The following CPEB2 variants were observed in gnomAD, a reference collection of about 807,000 sequenced individuals.
The protein encoded by CPEB2 is cytoplasmic polyadenylation element-binding protein 2.
CPEB2 carries 56 observed loss-of-function variants against 93.6 expected under a neutral mutation model. That is an observed-to-expected ratio of 0.60 (90% CI 0.48 to 0.75). The LOEUF (loss-of-function observed/expected upper bound fraction) is 0.75, where lower values mean the gene tolerates loss of function less well. Among genes scored for constraint, CPEB2 ranks in the 30% least tolerant of loss-of-function variants. The probability of loss-of-function intolerance (pLI) is 0.00; values close to 1 mark genes in which losing one functional copy is unlikely to be tolerated. For missense variants in CPEB2, 1,579 were observed against 1,395.1 expected (o/e 1.13, Z -2.10); for synonymous variants, 764 against 586.3 (o/e 1.30, Z -4.38).
intron 11 of CPEB2, among the ~76,000 whole-genome samples, chr4:15,064,868 G>A (rs1335047123): frequency 6.6e-6 from 1 of 152,036 alleles, no homozygotes; most frequent in Non-Finnish European, 1.5e-5. Flanking sequence ...TTAAAAATTT[G>A]TGTTAAAGAT....
chr4:15,004,570 C>A (rs1722522397), intron 1 of CPEB2, among the ~76,000 whole-genome samples: 1 of 152,128 alleles, frequency 6.6e-6, no homozygotes, highest in Non-Finnish European at 1.5e-5. Flanking sequence ...GCGTGGGAGA[C>A]GAGTTCGCGC....
rs1186674930 is a variant in CPEB2 at position 15,007,588 on chromosome 4, T to C, written c.1944+2T>C. ...AGTAATACACTCTTACCCTTACAGG[T>C]AAGAATGGTATGTAAATGACCTTAT... On this transcript the variant is annotated splice_donor_variant, in intron 2 of 11. Coordinates refer to ENST00000538197, the MANE Select transcript of CPEB2 (RefSeq NM_001177382.2). LOFTEE classifies it high-confidence loss of function. The C allele has an allele frequency of 5.2e-6, 8 of 1,543,220 alleles. No homozygotes were observed. The highest frequency in any genetic ancestry group is 7.0e-6 in the Non-Finnish European group (8 of 1,135,602).
intron 3 of CPEB2, among the ~76,000 whole-genome samples, chr4:15,016,339 G>C (rs1036163322): frequency 3.3e-5 from 5 of 151,940 alleles, no homozygotes; most frequent in Non-Finnish European, 5.9e-5. Context: ...CCTTTTTTCA[G>C]GTACACTGAG....
intron 5 of CPEB2, among the ~76,000 whole-genome samples, chr4:15,038,877 C>T (rs959841359): frequency 1.3e-5 from 2 of 152,120 alleles, no homozygotes; most frequent in Non-Finnish European, 2.9e-5. Flanking sequence ...GCATGACCAC[C>T]CGTGTGTAGC....
At chr4:15,026,963 C>T (rs1725542574) in intron 4 of CPEB2, among the ~76,000 whole-genome samples, 1 of 152,136 alleles carries the variant, frequency 6.6e-6, no homozygotes, top group African/African-American at 2.4e-5. Flanking sequence ...ATTTGCTATT[C>T]CTACTGGTTA....
In CPEB2 at chr4:15,003,945, C is replaced by A. The variant is rs754898904; in HGVS notation, c.1272C>A (p.Ala424=). The A allele has an allele frequency of 4.0e-6, 5 of 1,254,134 alleles. No homozygotes were observed. In the South Asian group the frequency reaches 8.8e-5, roughly 22 times the overall value. 77.7% of individuals were successfully genotyped at this position (1,254,134 alleles called of 1,614,324 possible). A position where few individuals can be genotyped will look rare whatever the true frequency, so the allele number is the denominator to read the frequency against. The change falls in exon 1 of 12, where the codon GCC becomes GCA. Residue 424 remains alanine (A), a synonymous_variant. Coordinates refer to ENST00000538197, the MANE Select transcript of CPEB2 (RefSeq NM_001177382.2). The stretch of plus-strand genomic sequence containing the variant: ...AGCCGCAGCCGCCCGGCTCGTCTGC[C>A]ACCACCCCGGGCGGCGGCAGCGGCG... ...QPQPQPPGSS[A]TTPGGGSGGS...
Position 15,068,172 on chromosome 4 carries a change from C to T in CPEB2, c.*1792C>T, listed in dbSNP as rs961911309. 6.6e-5 allele frequency: 10 copies of T among 152,232 alleles called. No individual in the cohort carries two copies. The highest frequency in any genetic ancestry group is 2.2e-4 in the African/African-American group (9 of 41,370). The allele number at this position is 152,232 out of a possible 1,614,324, so 9.4% of individuals were successfully genotyped here. ...GTTGCCTTATAGCAAACCCTTGGGA[C>T]AATCCTTCATGTGAGCAAAGTGTTG... On this transcript the variant is annotated 3_prime_UTR_variant, in exon 12 of 12. Coordinates refer to ENST00000538197, the MANE Select transcript of CPEB2 (RefSeq NM_001177382.2).
intron 5 of CPEB2, among the ~76,000 whole-genome samples, chr4:15,034,949 T>C (rs558111900): frequency 2.0e-5 from 3 of 152,334 alleles, no homozygotes; most frequent in South Asian, 4.1e-4. Flanking sequence ...TAGCATATTG[T>C]CTTCCTGGGA....
At chr4:15,011,805 T>C (rs1355315757) in intron 3 of CPEB2, among the ~76,000 whole-genome samples, 1 of 152,144 alleles carries the variant, frequency 6.6e-6, no homozygotes, top group Non-Finnish European at 1.5e-5. Context: ...AGTAATTGAG[T>C]GTGTGAAGCA....
At position 15,007,415 on chromosome 4, in the gene CPEB2, G is replaced by A. The variant is rs747620420; in HGVS notation, c.1773G>A (p.Met591Ile). 50 of 1,613,924 alleles carry A rather than the reference G, an allele frequency of 3.1e-5. No individual in the cohort carries two copies. The East Asian group carries it at 1.1e-3, about 35-fold the overall frequency. ...HGRDHRRTGNMGIPGTMNQIS... is the reference protein window; with the variant it reads ...HGRDHRRTGNIGIPGTMNQIS... Reference sequence around the variant, plus strand: ...GAGATCATCGTAGAACCGGAAACATGGGAATCCCAGGAACTATGAATCAGA... The same window carrying A: ...GAGATCATCGTAGAACCGGAAACATAGGAATCCCAGGAACTATGAATCAGA... The change falls in exon 2 of 12, where the codon ATG (methionine) becomes ATA (isoleucine). Residue 591 changes from methionine (M) to isoleucine (I), a missense_variant. Met to Ile is a conservative substitution (Grantham distance 10). This residue lies in a region of CPEB2 where 1,411 missense variants were observed against 1,056.0 expected (regional missense o/e 1.34). Coordinates refer to ENST00000538197, the MANE Select transcript of CPEB2 (RefSeq NM_001177382.2).
intron 4 of CPEB2, 147 bp from the exon 5 acceptor site, chr4:15,033,014 T>G: frequency 1.8e-6 from 1 of 557,218 alleles, no homozygotes; most frequent in South Asian, 2.5e-5. Flanking sequence ...TACTTTTAGT[T>G]GAACATAAGC....
intron 4 of CPEB2, among the ~76,000 whole-genome samples, chr4:15,025,029 GC>G (rs1210671204): frequency 6.6e-6 from 1 of 152,022 alleles, no homozygotes; most frequent in East Asian, 1.9e-4. Flanking sequence ...ACAGGCATGA[GC>G]CACCATGCCT....
intron 11 of CPEB2, among the ~76,000 whole-genome samples, chr4:15,062,480 G>T (rs115946828): frequency 0.052 from 7,930 of 152,116 alleles, 235 homozygotes; most frequent in Non-Finnish European, 0.07. Flanking sequence ...GTGCAGCCAT[G>T]TCAAAATTTT....
intron 4 of CPEB2, among the ~76,000 whole-genome samples, chr4:15,032,193 G>A (rs184207995): frequency 2.1e-4 from 32 of 152,244 alleles, no homozygotes; most frequent in Admixed American, 2.0e-3. Flanking sequence ...AAACTCCTGG[G>A]CTCAAGTGAT....
chr4:15,014,515 T>C (rs1219564997), intron 3 of CPEB2, among the ~76,000 whole-genome samples: 1 of 152,006 alleles, frequency 6.6e-6, no homozygotes, highest in Non-Finnish European at 1.5e-5. Flanking sequence ...GGTTGGAAAT[T>C]CAGGTTCATA....
chr4:15,017,282 G>A lies in CPEB2; in HGVS notation c.2125+4G>A. ...GCAGAGCATGATCCTCTTAAGGGTA[G>A]GTGACTTTTTAAAAAAATATATGTT... is the stretch of plus-strand genomic sequence containing the variant. On this transcript the variant is annotated splice_donor_region_variant and intron_variant, in intron 4 of 11. Coordinates refer to ENST00000538197, the MANE Select transcript of CPEB2 (RefSeq NM_001177382.2). 6.5e-7 allele frequency: 1 copy of A among 1,532,508 alleles called. No individual in the cohort carries two copies. 94.9% of individuals were successfully genotyped at this position (1,532,508 alleles called of 1,614,324 possible). A position where few individuals can be genotyped will look rare whatever the true frequency, so the allele number is the denominator to read the frequency against.
At chr4:15,012,026 T>C (rs896623170) in intron 3 of CPEB2, among the ~76,000 whole-genome samples, 10 of 152,194 alleles carry the variant, frequency 6.6e-5, no homozygotes, top group Admixed American at 3.3e-4. Flanking sequence ...AGAAAAAATA[T>C]TATTTGAATC....
intron 11 of CPEB2, 45 bp downstream of exon 11, chr4:15,062,305 C>A: frequency 6.8e-7 from 1 of 1,462,404 alleles, no homozygotes; most frequent in Non-Finnish European, 9.3e-7. Flanking sequence ...TAATAAGGTG[C>A]TGATCCAAAG....
chr4:15,039,285 T>C (rs1289931553), intron 5 of CPEB2, among the ~76,000 whole-genome samples: 1 of 152,188 alleles, frequency 6.6e-6, no homozygotes, highest in Non-Finnish European at 1.5e-5. Flanking sequence ...CACTTTATAT[T>C]AGAGGAACTA....
Sources: allele counts gnomAD v4.1 joint callset (sites outside exome capture counted in the v4.1 genomes callset), GRCh38; gene constraint gnomAD v4.1.1; regional missense constraint gnomAD v4.1.1; transcripts MANE v1.5; gene names NCBI Gene and HGNC (gene_info 2026-07-23, HGNC 2026-07-21).